The following NFKB1 variants were observed in gnomAD, a reference collection of about 807,000 sequenced individuals.
NFKB1 encodes the protein nuclear factor kappa B subunit 1.
Under a neutral mutation model 105.1 loss-of-function variants are expected in NFKB1, and 9 were observed. The ratio of observed to expected loss-of-function variants is 0.09; its 90% CI spans 0.05 to 0.15. The LOEUF is 0.15. Ranked by LOEUF, NFKB1 falls within the 10% of genes least tolerant of loss-of-function variation. NFKB1 has a pLI of 1.00. For synonymous variants in NFKB1, 440 were observed against 442.2 expected, an observed-to-expected ratio of 1.00 and a Z score of 0.06; for missense variants, 830 against 1,203.7, an observed-to-expected ratio of 0.69 and a Z score of 4.59.
intron 2 of NFKB1, among the ~76,000 whole-genome samples, chr4:102,529,530 G>T (rs535130426): frequency 4.6e-5 from 7 of 152,164 alleles, no homozygotes; most frequent in Non-Finnish European, 1.0e-4. Context: ...CATGTACTTG[G>T]CCCTGAAGAT....
At chr4:102,575,605 A>G (rs1296846960) in intron 6 of NFKB1, among the ~76,000 whole-genome samples, 14 of 152,100 alleles carry the variant, frequency 9.2e-5, no homozygotes, top group Admixed American at 9.2e-4. Flanking sequence ...CTACCGCAGG[A>G]ATTTTGTACT....
At chr4:102,563,819 CTTTTTTTTTTT>C (rs34134600) in intron 5 of NFKB1, among the ~76,000 whole-genome samples, 1 of 124,636 alleles carries the variant, frequency 8.0e-6, no homozygotes, top group African/African-American at 3.1e-5. Flanking sequence ...AAGCTTAACT[CTTTTTTTTTTT>C]TTTTTTTTTA....
chr4:102,511,004 G>C, intron 1 of NFKB1: 2 of 1,223,752 alleles, frequency 1.6e-6, no homozygotes, highest in Middle Eastern at 2.2e-4. Context: ...AGCAGGATTG[G>C]AGATGAGGAG....
At chr4:102,608,878 C>T (rs1305279304) in intron 19 of NFKB1, among the ~76,000 whole-genome samples, 1 of 152,082 alleles carries the variant, frequency 6.6e-6, no homozygotes, top group Non-Finnish European at 1.5e-5. Context: ...ACCAGCCAGA[C>T]GTGATGGCTC....
chr4:102,530,402 C>CATT (rs1741208979), intron 3 of NFKB1, among the ~76,000 whole-genome samples: 1 of 152,088 alleles, frequency 6.6e-6, no homozygotes, highest in Non-Finnish European at 1.5e-5. Context: ...GGATAAAACT[C>CATT]ATAATCCTTC....
chr4:102,543,642 C>T (rs1721896498), intron 5 of NFKB1, among the ~76,000 whole-genome samples: 1 of 150,418 alleles, frequency 6.6e-6, no homozygotes, highest in South Asian at 2.1e-4. Flanking sequence ...TCGTGCCTTT[C>T]CTTAAAAATC....
chr4:102,609,072 G>A (rs557353738), intron 19 of NFKB1, among the ~76,000 whole-genome samples: 1 of 150,330 alleles, frequency 6.7e-6, no homozygotes, highest in East Asian at 2.0e-4. Context: ...AGTATCACTT[G>A]AGCCTGTGAG....
chr4:102,597,768 T>C, intron 15 of NFKB1, 107 bp downstream of exon 15: 1 of 1,292,364 alleles, frequency 7.7e-7, no homozygotes, highest in Non-Finnish European at 1.1e-6. Flanking sequence ...ATATATTGAG[T>C]CCTCTAACTG....
At chr4:102,529,268 G>A (rs1415225065) in intron 2 of NFKB1, among the ~76,000 whole-genome samples, 2 of 152,116 alleles carry the variant, frequency 1.3e-5, no homozygotes. Context: ...TAAAAGAAAT[G>A]AGTGAGCTCA....
chr4:102,561,660 A>G (rs1723456600), intron 5 of NFKB1, among the ~76,000 whole-genome samples: 1 of 152,186 alleles, frequency 6.6e-6, no homozygotes, highest in Non-Finnish European at 1.5e-5. Context: ...CTCCATTTAT[A>G]GGAACCATGG....
In NFKB1 at chr4:102,592,781, ATCT is replaced by A. The variant is rs111268497; in HGVS notation, c.1067-639_1067-637del. Among the ~76,000 whole-genome samples the A allele has an allele frequency of 7.4e-3, 1,120 of 152,252 alleles. 17 individuals are homozygous for A. The highest frequency in any genetic ancestry group is 0.026 in the African/African-American group (1,084 of 41,546). Reference sequence around the variant, plus strand: ...CTGTTCTCAAAAGCACCCTGTGTACATCTTCTTTTTCCTCTTCTTATATAAAAC... The same window carrying A: ...CTGTTCTCAAAAGCACCCTGTGTACATCTTTTTCCTCTTCTTATATAAAAC... On this transcript the variant is annotated intron_variant, in intron 11 of 23. Coordinates refer to ENST00000226574, the MANE Select transcript of NFKB1 (RefSeq NM_003998.4).
intron 5 of NFKB1, among the ~76,000 whole-genome samples, chr4:102,563,075 C>A (rs1485869716): frequency 6.6e-6 from 1 of 152,150 alleles, no homozygotes; most frequent in African/African-American, 2.4e-5. Flanking sequence ...CCTGTAACCA[C>A]CTTTGAAGAA....
At chr4:102,572,820 G>A (rs1004474502) in intron 6 of NFKB1, among the ~76,000 whole-genome samples, 4 of 152,124 alleles carry the variant, frequency 2.6e-5, no homozygotes, top group Non-Finnish European at 4.4e-5. Flanking sequence ...ATTTAACCAC[G>A]TATTTATCAT....
chr4:102,579,665 G>A lies in NFKB1; in HGVS notation c.730+626G>A, dbSNP rs961854596. Among the ~76,000 whole-genome samples, 13 of 145,554 alleles carry A rather than the reference G, an allele frequency of 8.9e-5. No homozygotes were observed. In the East Asian group the frequency reaches 1.8e-3, roughly 20 times the overall value. On this transcript the variant is annotated intron_variant, in intron 8 of 23. Coordinates refer to ENST00000226574, the MANE Select transcript of NFKB1 (RefSeq NM_003998.4). ...AAAAAAAATATATATATATATATAT[G>A]TATATATATATTAATTTATAGTTCC...
chr4:102,578,771 G>C lies in NFKB1; in HGVS notation c.572-110G>C, dbSNP rs4648028. On this transcript the variant is annotated intron_variant, in intron 7 of 23. Coordinates refer to ENST00000226574, the MANE Select transcript of NFKB1 (RefSeq NM_003998.4). ...AGCAATATGAAGAGTTTCAAAAGAG[G>C]AAAAATGGGTTTTTATTGTAAGTTT... 3.2e-4 allele frequency: 376 copies of C among 1,160,070 alleles called. No individual in the cohort carries two copies. The African/African-American group carries it at 5.5e-3, about 17-fold the overall frequency. 71.9% of individuals were successfully genotyped at this position (1,160,070 alleles called of 1,614,324 possible). A position where few individuals can be genotyped will look rare whatever the true frequency, so the allele number is the denominator to read the frequency against.
chr4:102,571,143 C>T (rs942694801), intron 6 of NFKB1, among the ~76,000 whole-genome samples: 2 of 152,086 alleles, frequency 1.3e-5, no homozygotes, highest in Non-Finnish European at 2.9e-5. Flanking sequence ...GAGATATAGA[C>T]CAATGGAACA....
At chr4:102,609,166 A>AAAAAAAAAAAAAAAAAAAT (rs1338929952) in intron 19 of NFKB1, among the ~76,000 whole-genome samples, 73 of 151,058 alleles carry the variant, frequency 4.8e-4, no homozygotes, top group African/African-American at 1.8e-3. Context: ...CTCAAAAAAA[A>AAAAAAAAAAAAAAAAAAAT]AAAAGAAAAA....
intron 6 of NFKB1, among the ~76,000 whole-genome samples, chr4:102,572,520 A>G (rs1424578621): frequency 6.6e-6 from 1 of 152,218 alleles, no homozygotes; most frequent in Non-Finnish European, 1.5e-5. Context: ...AACAAAAAAG[A>G]AAAAGCACCA....
At chr4:102,534,400 A>G (rs1192883563) in intron 4 of NFKB1, among the ~76,000 whole-genome samples, 1 of 152,150 alleles carries the variant, frequency 6.6e-6, no homozygotes, top group Non-Finnish European at 1.5e-5. Context: ...GTTAGAATGA[A>G]CTATTGAATT....
Sources: gnomAD v4.1 joint callset for allele counts (sites outside exome capture counted in the v4.1 genomes callset) on GRCh38, gnomAD v4.1.1 for gene constraint, MANE v1.5 for transcripts, NCBI Gene and HGNC (gene_info 2026-07-23, HGNC 2026-07-21) for gene names.